The following SCIN variants were observed in gnomAD, a reference collection of about 807,000 sequenced individuals.
SCIN encodes the protein scinderin.
In SCIN, 91 loss-of-function variants were observed where a neutral mutation model predicts 91.8. The ratio of observed to expected loss-of-function variants is 0.99; its 90% confidence interval spans 0.84 to 1.18. The LOEUF is 1.18. Among genes scored for constraint, SCIN ranks in the 50% most tolerant of loss-of-function variants. SCIN has a pLI of 0.00. For synonymous variants in SCIN, 367 were observed against 312.6 expected (o/e 1.17, Z -1.84); for missense variants, 1,087 against 863.9 (o/e 1.26, Z -3.24).
intron 3 of SCIN, among the ~76,000 whole-genome samples, chr7:12,598,566 C>G (rs1234124533): frequency 6.6e-6 from 1 of 152,134 alleles, no homozygotes; most frequent in Non-Finnish European, 1.5e-5. Context: ...ACTGCTGCCA[C>G]CACTGAATGA....
Position 12,625,430 on chromosome 7 carries a change from T to TG in SCIN, c.892+288_892+289insG, listed in dbSNP as rs1783496311. Among the ~76,000 whole-genome samples, 12 of 82,546 alleles carry TG rather than the reference T, an allele frequency of 1.5e-4. No individual in the cohort carries two copies. In the Admixed American group the frequency reaches 1.7e-3, roughly 12 times the overall value. 54.2% of individuals were successfully genotyped at this position (82,546 alleles called of 152,430 possible). On this transcript the variant is annotated intron_variant, in intron 6 of 15. Transcript: ENST00000297029. ...TAATATACCAGGAAATTTTTGCTATTCTTTTTTTTTTTTTTTTTTTTCCGT... is the reference window on the plus strand; with the variant it reads ...TAATATACCAGGAAATTTTTGCTATTGCTTTTTTTTTTTTTTTTTTTTCCGT...
At chr7:12,633,429 A>C (rs1783684923) in intron 9 of SCIN, among the ~76,000 whole-genome samples, 1 of 152,202 alleles carries the variant, frequency 6.6e-6, no homozygotes, top group Admixed American at 6.5e-5. Context: ...AGAATTAGAA[A>C]CAAAGAGTGA....
At chr7:12,619,951 TA>T (rs1157765973) in intron 4 of SCIN, among the ~76,000 whole-genome samples, 1 of 152,100 alleles carries the variant, frequency 6.6e-6, no homozygotes, top group Non-Finnish European at 1.5e-5. Flanking sequence ...GCAGCAGATG[TA>T]AAATATAAAT....
chr7:12,601,919 C>T (rs1377377354), intron 3 of SCIN, among the ~76,000 whole-genome samples: 2 of 152,180 alleles, frequency 1.3e-5, no homozygotes, highest in Non-Finnish European at 2.9e-5. Flanking sequence ...GGACAGGACT[C>T]ATGCAATGAC....
At position 12,626,648 on chromosome 7, in the gene SCIN, A is replaced by T; in HGVS notation, c.1046A>T (p.Asp349Val). The change falls in exon 8 of 16, where the codon GAT becomes GTT. Residue 349 changes from aspartate (D) to valine (V), a missense_variant. Coordinates refer to ENST00000297029, the MANE Select transcript of SCIN (RefSeq NM_001112706.3). ...AAACAGTTTTTTAAGGACTGGAGAGATAAAGATCAGAGTGATGGCTTCGGG... is the reference window on the plus strand; with the variant it reads ...AAACAGTTTTTTAAGGACTGGAGAGTTAAAGATCAGAGTGATGGCTTCGGG... ...IFKQFFKDWRDKDQSDGFGKV... is the reference protein window; with the variant it reads ...IFKQFFKDWRVKDQSDGFGKV... The T allele has an allele frequency of 1.3e-6, 2 of 1,556,474 alleles. No individual in the cohort carries two copies. The highest frequency in any genetic ancestry group is 1.2e-5 in the South Asian group (1 of 84,362).
chr7:12,645,645 C>T (rs887836146), intron 13 of SCIN, among the ~76,000 whole-genome samples: 2 of 152,274 alleles, frequency 1.3e-5, no homozygotes, highest in African/African-American at 4.8e-5. Flanking sequence ...CCTCATCCCA[C>T]CTTCCACCTT....
intron 4 of SCIN, among the ~76,000 whole-genome samples, chr7:12,617,726 A>G (rs1783328105): frequency 6.6e-6 from 1 of 152,146 alleles, no homozygotes; most frequent in Admixed American, 6.6e-5. Context: ...GAGCACTTGA[A>G]TCACATCACC....
chr7:12,636,503 T>C (rs567650982), intron 10 of SCIN, among the ~76,000 whole-genome samples: 6 of 152,336 alleles, frequency 3.9e-5, no homozygotes, highest in African/African-American at 1.4e-4. Flanking sequence ...AAGGTGTTCA[T>C]GTCCTAATCC....
chr7:12,626,554 G>T (rs1238534358), intron 7 of SCIN, 30 bp from the exon 8 acceptor site: 2 of 1,434,212 alleles, frequency 1.4e-6, no homozygotes, highest in African/African-American at 1.4e-5. Context: ...TTATTTTCCT[G>T]TTTACTATTA....
intron 10 of SCIN, among the ~76,000 whole-genome samples, chr7:12,636,427 C>T (rs540286426): frequency 5.9e-5 from 9 of 152,114 alleles, no homozygotes; most frequent in South Asian, 2.1e-4. Flanking sequence ...GACATTAAAA[C>T]GGTTTTATCT....
At chr7:12,626,200 C>T (rs568312727) in intron 7 of SCIN, 12 of 308,478 alleles carry the variant, frequency 3.9e-5, no homozygotes, top group African/African-American at 6.6e-5. Context: ...TTGTCTTCAT[C>T]GAAATCAATT....
At chr7:12,650,091 A>T (rs1394446191) in intron 14 of SCIN, among the ~76,000 whole-genome samples, 1 of 152,244 alleles carries the variant, frequency 6.6e-6, no homozygotes, top group Non-Finnish European at 1.5e-5. Context: ...ATTAACGGTG[A>T]AAGAGAAAAG....
intron 4 of SCIN, among the ~76,000 whole-genome samples, chr7:12,611,605 C>T (rs555880350): frequency 4.6e-5 from 7 of 152,196 alleles, no homozygotes; most frequent in Admixed American, 4.6e-4. Context: ...CAATCATTCT[C>T]CATTTATCTT....
At position 12,657,570 on chromosome 7, in the gene SCIN, ATATTTTTTTTT is replaced by A. The variant is rs1336891498; in HGVS notation, c.*4857_*4867del. 31 of 20,846 alleles carry A rather than the reference ATATTTTTTTTT, an allele frequency of 1.5e-3. No homozygotes were observed. Among genetic ancestry groups the A allele is most frequent in the Non-Finnish European group, 2.1e-3 (19 of 9,140 alleles). The allele number at this position is 20,846 out of a possible 1,614,324, so 1.3% of individuals were successfully genotyped here. A position where few individuals can be genotyped will look rare whatever the true frequency, so the allele number is the denominator to read the frequency against. ...TATATATATATATATATATATATAT[ATATTTTTTTTT>A]TTTTTTTTTTTTTTTTTGCATTGGC... On this transcript the variant is annotated 3_prime_UTR_variant, in exon 16 of 16. Coordinates refer to ENST00000297029, the MANE Select transcript of SCIN (RefSeq NM_001112706.3).
At chr7:12,645,521 C>T (rs1562635320) in intron 13 of SCIN, among the ~76,000 whole-genome samples, 1 of 152,082 alleles carries the variant, frequency 6.6e-6, no homozygotes. Context: ...TTCAGGGGTA[C>T]ATGTGCAGGT....
At chr7:12,585,249 C>T (rs1468761996) in intron 3 of SCIN, among the ~76,000 whole-genome samples, 3 of 152,096 alleles carry the variant, frequency 2.0e-5, no homozygotes, top group African/African-American at 7.2e-5. Flanking sequence ...ACATTATGCA[C>T]GTGATTCTTG....
intron 11 of SCIN, among the ~76,000 whole-genome samples, chr7:12,641,669 C>A (rs971858669): frequency 3.3e-5 from 5 of 152,162 alleles, no homozygotes; most frequent in Admixed American, 3.3e-4. Flanking sequence ...CCTCAGAAAT[C>A]TGTTTCAGTC....
At chr7:12,622,991 C>G in intron 5 of SCIN, 98 bp downstream of exon 5, 1 of 682,476 alleles carries the variant, frequency 1.5e-6, no homozygotes, top group Non-Finnish European at 2.5e-6. Context: ...GTTGAGAACT[C>G]TCCTCATTGC....
intron 9 of SCIN, among the ~76,000 whole-genome samples, chr7:12,632,391 A>T (rs1237634071): frequency 2.0e-5 from 3 of 152,016 alleles, no homozygotes; most frequent in Non-Finnish European, 4.4e-5. Context: ...TTGGCCTCCT[A>T]AAGTGTTGAG....
Sources: allele counts gnomAD v4.1 joint callset (sites outside exome capture counted in the v4.1 genomes callset), GRCh38; gene constraint gnomAD v4.1.1; transcripts MANE v1.5; gene names NCBI Gene and HGNC (gene_info 2026-07-23, HGNC 2026-07-21).